ZBTB14: variants seen among roughly 807,000 people sequenced by gnomAD.
ZBTB14 encodes zinc finger and BTB domain-containing protein 14.
ZBTB14 carries 8 observed loss-of-function variants against 29.5 expected under a neutral mutation model. The observed-to-expected ratio is 0.27, with a 90% CI of 0.16 to 0.49. The LOEUF is 0.49. Among genes scored for constraint, ZBTB14 ranks in the 20% least tolerant of loss-of-function variants. The pLI, the probability that ZBTB14 is intolerant of heterozygous loss-of-function variation, is 0.99. For synonymous variants in ZBTB14, 226 were observed against 207.2 expected, an observed-to-expected ratio of 1.09 and a Z score of -0.78; for missense variants, 333 against 563.8, an observed-to-expected ratio of 0.59 and a Z score of 4.15.
chr18:5,293,089 T>C (rs952353611), intron 3 of ZBTB14, among the ~76,000 whole-genome samples, 155 bp downstream of exon 3: 4 of 151,540 alleles, frequency 2.6e-5, no homozygotes, highest in Non-Finnish European at 3.0e-5. Flanking sequence ...GCATTCTCTA[T>C]GTTTCCTTTT....
In ZBTB14 at chr18:5,291,366, G is replaced by T; in HGVS notation, c.842C>A (p.Ala281Glu). The change falls in exon 4 of 4, where the codon GCG (alanine) becomes GAG (glutamate). Residue 281 changes from alanine (A) to glutamate (E), a missense_variant. Coordinates refer to ENST00000651870, the MANE Select transcript of ZBTB14 (RefSeq NM_001243702.2). This position sits in a 1 kb window ranked among gnomAD's most constrained non-coding sequence, Gnocchi z 5.8. Reference protein sequence around the residue: ...GHHREQIACQACGKTFSDEGR... With the variant: ...GHHREQIACQECGKTFSDEGR... The stretch of plus-strand genomic sequence containing the variant: ...TTCATCAGAAAACGTCTTCCCACAC[G>T]CCTGGCAGGCAATCTGCTCCCGATG... 1 of 1,614,140 alleles carries T rather than the reference G, an allele frequency of 6.2e-7. No individual in the cohort carries two copies.
Position 5,290,950 on chromosome 18 carries a change from G to C in ZBTB14, c.1258C>G (p.Pro420Ala). Residue 420 changes from proline (P) to alanine (A), a missense_variant, in exon 4 of 4, where the codon CCC becomes GCC. Coordinates refer to ENST00000651870, the MANE Select transcript of ZBTB14 (RefSeq NM_001243702.2). The part of the protein sequence containing the change: ...NMHSERKQVT[P>A]SAIQSETEQL... The stretch of plus-strand genomic sequence containing the variant: ...TCTGTCTCGCTCTGGATGGCACTGG[G>C]GGTAACCTGCTTCCTTTCACTGTGC... 1 of 1,614,260 alleles carries C rather than the reference G, an allele frequency of 6.2e-7. No individual in the cohort carries two copies. The highest frequency in any genetic ancestry group is 8.5e-7 in the Non-Finnish European group (1 of 1,180,048).
intron 1 of ZBTB14, among the ~76,000 whole-genome samples, 175 bp from the exon 2 acceptor site, chr18:5,294,176 C>A (rs928341735): frequency 6.6e-6 from 1 of 152,210 alleles, no homozygotes; most frequent in African/African-American, 2.4e-5. Context: ...GAAAAGTGAA[C>A]ACACCGAGCT....
In ZBTB14 at chr18:5,291,023, G is replaced by A; in HGVS notation, c.1185C>T (p.Thr395=). The A allele has an allele frequency of 6.2e-7, 1 of 1,614,250 alleles. No homozygotes were observed. Among genetic ancestry groups the A allele is most frequent in the East Asian group, 2.2e-5 (1 of 44,888 alleles). Residue 395 remains threonine (T), a synonymous_variant, in exon 4 of 4, where the codon ACC becomes ACT. Transcript: ENST00000651870. This position sits in a 1 kb window ranked among gnomAD's most constrained non-coding sequence, Gnocchi z 5.8. ...GEKPFVCGSC[T]KAFAKASDLK... ...GATCAGATGCCTTGGCAAATGCCTTGGTGCAGGAGCCACACACAAAAGGCT... is the reference window on the plus strand; with the variant it reads ...GATCAGATGCCTTGGCAAATGCCTTAGTGCAGGAGCCACACACAAAAGGCT...
rs2071792885 is a variant in ZBTB14 at position 5,290,715 on chromosome 18, T to C, written c.*143A>G. ...CCATTTCCTTGAAAAGTCTTAAAAA[T>C]AGCTAACCAAGCACTGCCTTAAGTC... On this transcript the variant is annotated 3_prime_UTR_variant, in exon 4 of 4. Transcript: ENST00000651870. The C allele has an allele frequency of 2.3e-6, 3 of 1,287,614 alleles. No individual in the cohort carries two copies. Among genetic ancestry groups the C allele is most frequent in the East Asian group, 4.8e-5 (2 of 41,854 alleles). The allele number at this position is 1,287,614 out of a possible 1,614,324, so 79.8% of individuals were successfully genotyped here.
In ZBTB14 at chr18:5,290,877, T is replaced by C; in HGVS notation, c.1331A>G (p.Glu444Gly). 6.2e-7 allele frequency: 1 copy of C among 1,614,192 alleles called. No homozygotes were observed. Among genetic ancestry groups the C allele is most frequent in the Non-Finnish European group, 8.5e-7 (1 of 1,179,994 alleles). ...AMAAEAEQQL[E>G]TIACS is the part of the protein sequence containing the mutation. The stretch of plus-strand genomic sequence containing the variant: ...CCGCCTCTAGCTACAGGCTATCGTC[T>C]CCAGCTGCTGTTCTGCTTCCGCAGC... Residue 444 changes from glutamate to glycine, a missense_variant, in exon 4 of 4, where the codon GAG becomes GGG. By Grantham distance (98) the Glu-to-Gly change is moderately conservative. Transcript: ENST00000651870.
upstream of ZBTB14, among the ~76,000 whole-genome samples, chr18:5,296,653 A>G (rs894518387): frequency 6.6e-6 from 1 of 151,992 alleles, no homozygotes; most frequent in Non-Finnish European, 1.5e-5. Context: ...GACGGTGCAC[A>G]ATAAACACTT....
chr18:5,296,865 T>C (rs934620035), upstream of ZBTB14: 10 of 87,830 alleles, frequency 1.1e-4, no homozygotes, highest in African/African-American at 3.5e-4. Context: ...CTCTGATAAC[T>C]TGGCTCTGTC....
In ZBTB14 at chr18:5,291,047, C is replaced by T; in HGVS notation, c.1161G>A (p.Lys387=). 1.2e-6 allele frequency: 2 copies of T among 1,614,272 alleles called. No individual in the cohort carries two copies. The highest frequency in any genetic ancestry group is 1.7e-6 in the Non-Finnish European group (2 of 1,180,046). ...TGGTGCAGGAGCCACACACAAAAGG[C>T]TTTTCCCCTCTGTGTCTTCTTTCAT... The part of the protein sequence containing the change: ...KDHERRHRGE[K]PFVCGSCTKA... The change falls in exon 4 of 4, where the codon AAG becomes AAA. Residue 387 remains lysine, a synonymous_variant. Transcript: ENST00000651870. The surrounding 1 kb of genome is among the most constrained non-coding windows in gnomAD (Gnocchi z 5.8).
Position 5,291,436 on chromosome 18 carries a change from T to G in ZBTB14, c.772A>C (p.Thr258Pro). 1 of 1,614,256 alleles carries G rather than the reference T, an allele frequency of 6.2e-7. No homozygotes were observed. Among genetic ancestry groups the G allele is most frequent in the Non-Finnish European group, 8.5e-7 (1 of 1,180,042 alleles). The part of the protein sequence containing the change: ...VKDEQTPGWT[T>P]AASDMKFEYL... ...TCAAACTTCATGTCACTGGCGGCTG[T>G]TGTCCAGCCTGGTGTCTGTTCATCT... The change falls in exon 4 of 4, where the codon ACA becomes CCA. Residue 258 changes from threonine to proline, a missense_variant. By Grantham distance (38) the Thr-to-Pro change is conservative. Around this residue, in one of 3 missense-constraint regions of ZBTB14, gnomAD observed 140 missense variants for 274.6 expected, o/e 0.51. Coordinates refer to ENST00000651870, the MANE Select transcript of ZBTB14 (RefSeq NM_001243702.2). This position sits in a 1 kb window ranked among gnomAD's most constrained non-coding sequence, Gnocchi z 5.8.
At position 5,289,558 on chromosome 18, in the gene ZBTB14, T is replaced by C. The variant is rs373224242; in HGVS notation, c.*1300A>G. The C allele has an allele frequency of 2.6e-5, 4 of 152,198 alleles. No individual in the cohort carries two copies. The East Asian group carries it at 7.7e-4, about 29-fold the overall frequency. The allele number at this position is 152,198 out of a possible 1,614,324, so 9.4% of individuals were successfully genotyped here. On this transcript the variant is annotated 3_prime_UTR_variant, in exon 4 of 4. Coordinates refer to ENST00000651870, the MANE Select transcript of ZBTB14 (RefSeq NM_001243702.2). ...ATTCCTAAAGATGGTTAAAAGAACA[T>C]TTAGTATACCAAAACTGGAATAGAG...
At chr18:5,295,286 C>CT (rs2071926256) in intron 1 of ZBTB14, among the ~76,000 whole-genome samples, 2 of 144,538 alleles carry the variant, frequency 1.4e-5, no homozygotes, top group Admixed American at 1.4e-4. Context: ...CTCCCGCGGC[C>CT]GGGGGCGGGG....
upstream of ZBTB14, among the ~76,000 whole-genome samples, chr18:5,296,571 A>AC (rs2071973408): frequency 6.6e-6 from 1 of 151,580 alleles, no homozygotes; most frequent in South Asian, 2.1e-4. Flanking sequence ...ACACCGGCCG[A>AC]CACCGGGAGG....
Position 5,290,820 on chromosome 18 carries a change from C to G in ZBTB14, c.*38G>C, listed in dbSNP as rs2143219103. On this transcript the variant is annotated 3_prime_UTR_variant, in exon 4 of 4. Transcript: ENST00000651870. ...TCATTATGATCCACGTCATCTCAGTCTCCACTTTCCAGGCAAAGTGTCCCT... is the reference window on the plus strand; with the variant it reads ...TCATTATGATCCACGTCATCTCAGTGTCCACTTTCCAGGCAAAGTGTCCCT... 2 of 1,588,034 alleles carry G rather than the reference C, an allele frequency of 1.3e-6. No individual in the cohort carries two copies. The highest frequency in any genetic ancestry group is 2.2e-5 in the East Asian group (1 of 44,670).
Position 5,290,684 on chromosome 18 carries a change from G to A in ZBTB14, c.*174C>T. On this transcript the variant is annotated 3_prime_UTR_variant, in exon 4 of 4. Transcript: ENST00000651870. ...AGTGAAACGGTTTGGTCAGAACTGA[G>A]GAACACCATTTCCTTGAAAAGTCTT... 1 of 979,784 alleles carries A rather than the reference G, an allele frequency of 1.0e-6. No homozygotes were observed. The allele number at this position is 979,784 out of a possible 1,614,324, so 60.7% of individuals were successfully genotyped here.
chr18:5,290,744 T>C lies in ZBTB14; in HGVS notation c.*114A>G, dbSNP rs1205106520. The C allele has an allele frequency of 2.7e-6, 4 of 1,467,636 alleles. No homozygotes were observed. In the East Asian group the frequency reaches 9.1e-5, roughly 33 times the overall value. 90.9% of individuals were successfully genotyped at this position (1,467,636 alleles called of 1,614,324 possible). ...TAACCAAGCACTGCCTTAAGTCCAGTGAGTACAATGTTCCATACGTTTCCA... is the reference window on the plus strand; with the variant it reads ...TAACCAAGCACTGCCTTAAGTCCAGCGAGTACAATGTTCCATACGTTTCCA... On this transcript the variant is annotated 3_prime_UTR_variant, in exon 4 of 4. Coordinates refer to ENST00000651870, the MANE Select transcript of ZBTB14 (RefSeq NM_001243702.2).
In ZBTB14 at chr18:5,290,971, T is replaced by G; in HGVS notation, c.1237A>C (p.Ser413Arg). Reference protein sequence around the residue: ...DLKRHENNMHSERKQVTPSAI... With the variant: ...DLKRHENNMHRERKQVTPSAI... ...CTGGGGGTAACCTGCTTCCTTTCAC[T>G]GTGCATATTGTTCTCGTGCCTTTTC... Residue 413 changes from serine to arginine, a missense_variant, in exon 4 of 4, where the codon AGT (serine) becomes CGT (arginine). Transcript: ENST00000651870. The G allele has an allele frequency of 6.2e-7, 1 of 1,614,288 alleles. No individual in the cohort carries two copies. Among genetic ancestry groups the G allele is most frequent in the Non-Finnish European group, 8.5e-7 (1 of 1,180,058 alleles).
intron 1 of ZBTB14, among the ~76,000 whole-genome samples, chr18:5,295,310 G>T (rs1423122715): frequency 1.4e-5 from 2 of 144,070 alleles, no homozygotes; most frequent in African/African-American, 5.0e-5. Context: ...GCGCGCGGCC[G>T]GCTAACCCAA....
rs1472941851 is a variant in ZBTB14 at position 5,289,932 on chromosome 18, T to C, written c.*926A>G. 1.3e-5 allele frequency: 2 copies of C among 152,310 alleles called. No homozygotes were observed. The highest frequency in any genetic ancestry group is 2.9e-5 in the Non-Finnish European group (2 of 68,036). 9.4% of individuals were successfully genotyped at this position (152,310 alleles called of 1,614,324 possible). On this transcript the variant is annotated 3_prime_UTR_variant, in exon 4 of 4. Transcript: ENST00000651870. ...GACATTCTGTAAAGTTACACAAATG[T>C]ATCTGAAGAAGTTATCTGTTCTTGT... is the stretch of plus-strand genomic sequence containing the variant.
Sources: gnomAD v4.1 joint callset for allele counts (sites outside exome capture counted in the v4.1 genomes callset) on GRCh38, gnomAD v4.1.1 for gene constraint, gnomAD v4.1.1 regional missense constraint, Gnocchi (gnomAD v3.1) non-coding constraint, MANE v1.5 for transcripts, NCBI Gene and HGNC (gene_info 2026-07-23, HGNC 2026-07-21) for gene names.